The following SMC6 variants were observed in gnomAD, a reference collection of about 807,000 sequenced individuals.
The protein encoded by SMC6 is structural maintenance of chromosomes 6, also known as structural maintenance of chromosomes protein 6.
A neutral mutation model predicts 142.2 loss-of-function variants in SMC6; 79 were observed. That is an observed-to-expected ratio of 0.56 (90% confidence interval 0.46 to 0.67). The LOEUF (loss-of-function observed/expected upper bound fraction) is 0.67. SMC6 is among the 30% of genes least tolerant of loss of function. The pLI, the probability that SMC6 is intolerant of heterozygous loss-of-function variation, is 0.00. For missense variants in SMC6, 1,072 were observed against 1,284.0 expected, an observed-to-expected ratio of 0.83 and a Z score of 2.52; for synonymous variants, 411 against 412.4, an observed-to-expected ratio of 1.00 and a Z score of 0.04.
intron 3 of SMC6, 62 bp from the exon 4 acceptor site, chr2:17,741,791 G>A (rs1235540815): frequency 1.9e-6 from 2 of 1,075,054 alleles, no homozygotes; most frequent in Non-Finnish European, 2.7e-6. Context: ...AACCATTCAA[G>A]CATTGTTGGC....
intron 16 of SMC6, chr2:17,713,511 T>G (rs1415571692): frequency 4.2e-6 from 2 of 471,022 alleles, no homozygotes; most frequent in African/African-American, 4.0e-5. Flanking sequence ...CCAGGCACTC[T>G]TCTTCAGAGT....
intron 25 of SMC6, 34 bp downstream of exon 25, chr2:17,678,825 T>C (rs993215355): frequency 1.4e-5 from 20 of 1,436,314 alleles, no homozygotes; most frequent in Non-Finnish European, 1.9e-5. Context: ...CTAGTTTTTC[T>C]AATGATTAGG....
intron 16 of SMC6, among the ~76,000 whole-genome samples, chr2:17,709,135 A>T (rs2124969625): frequency 6.6e-6 from 1 of 152,206 alleles, no homozygotes. Flanking sequence ...CTGGGCTAGG[A>T]TTTAACCCAG....
chr2:17,684,103 G>A (rs947722038), intron 23 of SMC6, among the ~76,000 whole-genome samples: 1 of 152,138 alleles, frequency 6.6e-6, no homozygotes, highest in South Asian at 2.1e-4. Context: ...GGTCACACTG[G>A]AAGAAAGGTT....
chr2:17,733,861 A>G (rs1670020193), intron 5 of SMC6, among the ~76,000 whole-genome samples: 1 of 152,238 alleles, frequency 6.6e-6, no homozygotes, highest in African/African-American at 2.4e-5. Context: ...CCTTATACAC[A>G]TACACCTACA....
intron 7 of SMC6, among the ~76,000 whole-genome samples, chr2:17,727,934 C>T (rs1160322781): frequency 1.3e-5 from 2 of 152,146 alleles, no homozygotes; most frequent in South Asian, 2.1e-4. Flanking sequence ...CTCCATCTGC[C>T]ATATATTTTT....
intron 11 of SMC6, 54 bp from the exon 12 acceptor site, chr2:17,718,277 T>A (rs1364233017): frequency 7.8e-7 from 1 of 1,289,950 alleles, no homozygotes; most frequent in East Asian, 2.6e-5. Flanking sequence ...GAGAGAATTT[T>A]AAAAAATAAT....
intron 23 of SMC6, among the ~76,000 whole-genome samples, chr2:17,690,134 G>C (rs1442004525): frequency 6.6e-6 from 1 of 152,190 alleles, no homozygotes; most frequent in South Asian, 2.1e-4. Flanking sequence ...ATAACTAATA[G>C]AGAAATGTAA....
intron 2 of SMC6, among the ~76,000 whole-genome samples, chr2:17,747,849 A>G: frequency 6.6e-6 from 1 of 152,136 alleles, no homozygotes. Context: ...TATATATTCC[A>G]TCAGTCACAG....
chr2:17,714,008 T>C (rs1668955193), intron 16 of SMC6, among the ~76,000 whole-genome samples: 1 of 152,172 alleles, frequency 6.6e-6, no homozygotes. Flanking sequence ...AGAAGGTTTA[T>C]TTTAAAAAGT....
At chr2:17,721,522 C>A (rs1032568469) in intron 9 of SMC6, among the ~76,000 whole-genome samples, 4 of 152,132 alleles carry the variant, frequency 2.6e-5, no homozygotes, top group African/African-American at 9.7e-5. Context: ...CAAGACTACA[C>A]AAATATAGAG....
chr2:17,739,879 A>AACACACACACACACACAC lies in SMC6; in HGVS notation c.239-1571_239-1554dup, dbSNP rs60784309. ...ACACACACACACAGAGAATATGGTAAACACACACACACACACACACACACA... is the reference window on the plus strand; with the variant it reads ...ACACACACACACAGAGAATATGGTAAACACACACACACACACACACACACACACACACACACACACACA... On this transcript the variant is annotated intron_variant, in intron 4 of 27. Transcript: ENST00000448223. Among the ~76,000 whole-genome samples the AACACACACACACACACAC allele has an allele frequency of 6.1e-4, 70 of 115,536 alleles. 1 individual carries two copies. The highest frequency in any genetic ancestry group is 5.9e-3 in the East Asian group (17 of 2,890). 75.8% of individuals were successfully genotyped at this position (115,536 alleles called of 152,430 possible).
chr2:17,681,510 C>A (rs769487312), intron 24 of SMC6: 4 of 152,206 alleles, frequency 2.6e-5, no homozygotes, highest in Non-Finnish European at 5.9e-5. Flanking sequence ...TGATAGAAAT[C>A]CTACTCTTCC....
At chr2:17,707,450 T>C (rs1333261043) in intron 17 of SMC6, 71 bp from the exon 18 acceptor site, 1 of 937,176 alleles carries the variant, frequency 1.1e-6, no homozygotes, top group African/African-American at 1.7e-5. Context: ...AATTTCAAAA[T>C]GTTACTCGTC....
At chr2:17,739,912 AC>A (rs1670356444) in intron 4 of SMC6, among the ~76,000 whole-genome samples, 1 of 150,252 alleles carries the variant, frequency 6.7e-6, no homozygotes, top group African/African-American at 2.5e-5. Context: ...ACACACACAC[AC>A]ACACACACAC....
At chr2:17,730,908 C>T (rs1245645893) in intron 7 of SMC6, among the ~76,000 whole-genome samples, 170 bp downstream of exon 7, 5 of 152,052 alleles carry the variant, frequency 3.3e-5, no homozygotes, top group East Asian at 1.9e-4. Context: ...GCCACCATAC[C>T]CGGCCGAATT....
chr2:17,739,366 C>T (rs1274345941), intron 4 of SMC6, among the ~76,000 whole-genome samples: 3 of 151,876 alleles, frequency 2.0e-5, no homozygotes, highest in East Asian at 1.9e-4. Context: ...GCAGGCTGGC[C>T]GGGCACAGTG....
chr2:17,707,717 A>G (rs997368020), intron 17 of SMC6, among the ~76,000 whole-genome samples: 3 of 152,124 alleles, frequency 2.0e-5, no homozygotes, highest in Middle Eastern at 6.3e-3. Flanking sequence ...AGACCAGTTC[A>G]TAGTAATTAT....
At chr2:17,700,797 C>T (rs988051442) in intron 20 of SMC6, among the ~76,000 whole-genome samples, 2 of 151,798 alleles carry the variant, frequency 1.3e-5, no homozygotes, top group Admixed American at 1.3e-4. Flanking sequence ...TTTGGGAGGC[C>T]GACACGGGTG....
Sources: allele counts gnomAD v4.1 joint callset (sites outside exome capture counted in the v4.1 genomes callset), GRCh38; gene constraint gnomAD v4.1.1; transcripts MANE v1.5; gene names NCBI Gene and HGNC (gene_info 2026-07-23, HGNC 2026-07-21).